C13orf42: variants seen among roughly 807,000 people sequenced by gnomAD.
C13orf42 encodes the protein chromosome 13 open reading frame 42.
At chr13:51,143,231 G>A (rs1953709116) in intron 1 of C13orf42, among the ~76,000 whole-genome samples, 2 of 152,106 alleles carry the variant, frequency 1.3e-5, no homozygotes, top group South Asian at 2.1e-4. Context: ...CTGCATTCCT[G>A]AGACACAGGG....
intron 1 of C13orf42, among the ~76,000 whole-genome samples, chr13:51,170,507 C>G (rs550886748): frequency 6.6e-6 from 1 of 152,246 alleles, no homozygotes; most frequent in South Asian, 2.1e-4. Flanking sequence ...CCCTCACTAT[C>G]CCTCAACCTC....
At chr13:51,104,630 A>G (rs565437591) in intron 1 of C13orf42, among the ~76,000 whole-genome samples, 20 of 152,368 alleles carry the variant, frequency 1.3e-4, no homozygotes, top group Admixed American at 1.2e-3. Flanking sequence ...ATTGTACCAC[A>G]CTAAAATAAA....
chr13:51,085,169 C>T (rs1284493892), intron 3 of C13orf42, 150 bp downstream of exon 3: 1 of 201,582 alleles, frequency 5.0e-6, no homozygotes, highest in Non-Finnish European at 8.8e-6. Flanking sequence ...GACCTCACCA[C>T]CACCAGCAAC....
At chr13:51,153,630 C>CTTT (rs1206289963) in intron 1 of C13orf42, among the ~76,000 whole-genome samples, 32 of 81,208 alleles carry the variant, frequency 3.9e-4, no homozygotes, top group Non-Finnish European at 6.3e-4. Context: ...TGTTTTTTTT[C>CTTT]TTTTTTTTTT....
chr13:51,109,083 A>G (rs1953395265), intron 1 of C13orf42, among the ~76,000 whole-genome samples: 1 of 152,234 alleles, frequency 6.6e-6, no homozygotes, highest in Admixed American at 6.5e-5. Context: ...CCCTTCTGTC[A>G]TCAGAGGTGG....
At chr13:51,088,200 A>G (rs1953150180) in intron 1 of C13orf42, 125 bp from the exon 2 acceptor site, 1 of 395,022 alleles carries the variant, frequency 2.5e-6, no homozygotes. Context: ...TTCAAAGGTA[A>G]CTATGAATAA....
At chr13:51,150,731 C>A (rs1183546475) in intron 1 of C13orf42, among the ~76,000 whole-genome samples, 2 of 152,212 alleles carry the variant, frequency 1.3e-5, no homozygotes, top group East Asian at 3.9e-4. Context: ...CGCAGAGAGA[C>A]CCTCAACAAC....
intron 1 of C13orf42, among the ~76,000 whole-genome samples, chr13:51,109,237 G>C (rs974397998): frequency 2.6e-5 from 4 of 152,196 alleles, no homozygotes; most frequent in Middle Eastern, 3.2e-3. Flanking sequence ...ATAACATGCA[G>C]ACAGTTGAAA....
At chr13:51,088,600 G>C (rs948906543) in intron 1 of C13orf42, among the ~76,000 whole-genome samples, 2 of 152,064 alleles carry the variant, frequency 1.3e-5, no homozygotes, top group African/African-American at 4.8e-5. Context: ...TGGATACCAT[G>C]TTTTCCATGA....
intron 1 of C13orf42, among the ~76,000 whole-genome samples, chr13:51,107,903 T>C (rs1953378097): frequency 1.3e-5 from 2 of 152,116 alleles, no homozygotes; most frequent in African/African-American, 2.4e-5. Context: ...GCTAATTCTA[T>C]AGAGGGGTAT....
intron 1 of C13orf42, among the ~76,000 whole-genome samples, chr13:51,088,715 T>G (rs955179282): frequency 6.6e-6 from 1 of 152,146 alleles, no homozygotes; most frequent in Non-Finnish European, 1.5e-5. Flanking sequence ...TTTTTTTAAA[T>G]AAAGATGTTT....
At position 51,087,105 on chromosome 13, in the gene C13orf42, T is replaced by C. The variant is rs1953135711; in HGVS notation, c.562+823A>G. On this transcript the variant is annotated intron_variant, in intron 2 of 3. Coordinates refer to ENST00000563710, the MANE Select transcript of C13orf42 (RefSeq NM_001351589.3). ...AAACTATCATTAATTTACACCATGG[T>C]GGGCAAGTCAAAGATTAAACAAACT... 2.6e-5 allele frequency among the ~76,000 whole-genome samples: 4 copies of C among 152,210 alleles called. No individual in the cohort carries two copies. In the South Asian group the frequency reaches 8.3e-4, roughly 32 times the overall value.
intron 1 of C13orf42, among the ~76,000 whole-genome samples, chr13:51,146,096 T>C (rs534976392): frequency 2.0e-5 from 3 of 152,326 alleles, no homozygotes; most frequent in African/African-American, 4.8e-5. Flanking sequence ...TTAAACATTA[T>C]TGAAAGGGTA....
chr13:51,144,332 G>A (rs1023537644), intron 1 of C13orf42, among the ~76,000 whole-genome samples: 1 of 106,506 alleles, frequency 9.4e-6, no homozygotes. Flanking sequence ...TTGTTTTTCT[G>A]AGTCTTAAAA....
intron 1 of C13orf42, among the ~76,000 whole-genome samples, chr13:51,147,729 A>AAAAAAAAACAAAC (rs1221055071): frequency 6.6e-6 from 1 of 151,526 alleles, no homozygotes; most frequent in East Asian, 1.9e-4. Flanking sequence ...ACTGTGTCTC[A>AAAAAAAAACAAAC]AAAAAAAACA....
chr13:51,169,898 C>A (rs1049033279), intron 1 of C13orf42, among the ~76,000 whole-genome samples: 24 of 152,230 alleles, frequency 1.6e-4, no homozygotes, highest in African/African-American at 5.5e-4. Context: ...CAAGCCATCG[C>A]ATCCCCTGTG....
intron 1 of C13orf42, among the ~76,000 whole-genome samples, chr13:51,152,711 A>G (rs1953789098): frequency 6.6e-6 from 1 of 152,180 alleles, no homozygotes; most frequent in Non-Finnish European, 1.5e-5. Context: ...TTACTCTAAC[A>G]GCTAAATCTT....
intron 1 of C13orf42, among the ~76,000 whole-genome samples, chr13:51,116,807 T>C (rs1314755960): frequency 6.6e-6 from 1 of 152,258 alleles, no homozygotes; most frequent in Non-Finnish European, 1.5e-5. Flanking sequence ...CTTATGTGGC[T>C]GCATTCAGTG....
chr13:51,101,557 C>T (rs968799162), intron 1 of C13orf42, among the ~76,000 whole-genome samples: 5 of 152,114 alleles, frequency 3.3e-5, no homozygotes, highest in African/African-American at 1.2e-4. Flanking sequence ...ATGACTTTTC[C>T]AGATCTTCCA....
Sources: allele counts gnomAD v4.1 joint callset (sites outside exome capture counted in the v4.1 genomes callset), GRCh38; gene constraint gnomAD v4.1.1; transcripts MANE v1.5; gene names NCBI Gene and HGNC (gene_info 2026-07-23, HGNC 2026-07-21).